PRKN: variants seen among roughly 807,000 people sequenced by gnomAD.
The protein encoded by PRKN is E3 ubiquitin-protein ligase parkin.
In PRKN, 56 loss-of-function variants were observed where a neutral mutation model predicts 59.5. The ratio of observed to expected loss-of-function variants is 0.94; its 90% CI spans 0.76 to 1.18. PRKN has a LOEUF of 1.18. PRKN is among the 50% of genes most tolerant of loss of function. The pLI, the probability that PRKN is intolerant of heterozygous loss-of-function variation, is 0.00. For synonymous variants in PRKN, 250 were observed against 222.1 expected, an observed-to-expected ratio of 1.13 and a Z score of -1.12; for missense variants, 657 against 596.4, an observed-to-expected ratio of 1.10 and a Z score of -1.06.
chr6:161,653,883 C>A (rs921782217), intron 7 of PRKN, among the ~76,000 whole-genome samples: 3 of 152,166 alleles, frequency 2.0e-5, no homozygotes, highest in Non-Finnish European at 4.4e-5. Context: ...GGCCGGCCAG[C>A]CTTCAGGGAA....
intron 9 of PRKN, among the ~76,000 whole-genome samples, chr6:161,469,103 A>G (rs1210904873): frequency 6.7e-6 from 1 of 148,490 alleles, no homozygotes; most frequent in Non-Finnish European, 1.5e-5. Flanking sequence ...GGTAGCATTC[A>G]TGGTTTGGTT....
At chr6:162,710,374 AACACACACACACACACACACAC>A (rs138911423) in intron 1 of PRKN, among the ~76,000 whole-genome samples, 2 of 125,240 alleles carry the variant, frequency 1.6e-5, no homozygotes. Context: ...ACCCCCTACA[AACACACACACACACACACACAC>A]ACACACACAC....
intron 3 of PRKN, among the ~76,000 whole-genome samples, chr6:162,203,648 AAT>A (rs1195001053): frequency 6.6e-6 from 1 of 152,152 alleles, no homozygotes; most frequent in African/African-American, 2.4e-5. Flanking sequence ...GAAACTCTTG[AAT>A]ATGGAGTCAT....
chr6:161,587,325 C>A (rs971963683), intron 7 of PRKN, among the ~76,000 whole-genome samples: 2 of 152,052 alleles, frequency 1.3e-5, no homozygotes, highest in African/African-American at 4.8e-5. Context: ...ATAAAGAAGA[C>A]GCAATGAAAA....
intron 1 of PRKN, among the ~76,000 whole-genome samples, chr6:162,630,451 C>T (rs895417123): frequency 2.6e-5 from 4 of 152,062 alleles, no homozygotes; most frequent in Admixed American, 6.6e-5. Flanking sequence ...AAGCAGCCAT[C>T]GACATTAACA....
intron 5 of PRKN, among the ~76,000 whole-genome samples, chr6:162,015,088 T>A (rs1040945992): frequency 2.6e-5 from 4 of 152,194 alleles, no homozygotes; most frequent in Non-Finnish European, 4.4e-5. Flanking sequence ...CAGCAACTTT[T>A]GCGATTGATC....
At chr6:162,184,570 C>A (rs995694817) in intron 4 of PRKN, among the ~76,000 whole-genome samples, 2 of 152,118 alleles carry the variant, frequency 1.3e-5, no homozygotes, top group African/African-American at 4.8e-5. Flanking sequence ...TGTAGAAGGA[C>A]ATGTTGCTTC....
rs900450161 is a variant in PRKN at position 161,793,581 on chromosome 6, C to T, written c.735-7673G>A. 2.6e-5 allele frequency among the ~76,000 whole-genome samples: 4 copies of T among 151,120 alleles called. No homozygotes were observed. In the Admixed American group the frequency reaches 2.7e-4, roughly 10 times the overall value. On this transcript the variant is annotated intron_variant, in intron 6 of 11. Transcript: ENST00000366898. ...TCCTATAAAAGTGAACAAGAATGTT[C>T]CATCTCCTCAGGAGGTCACAGTCTA...
rs1224848839 is a variant in PRKN, at chr6:161,393,643, C to T, written c.1084-6766G>A. Among the ~76,000 whole-genome samples the T allele has an allele frequency of 6.6e-6, 1 of 152,088 alleles. No individual in the cohort carries two copies. The highest frequency in any genetic ancestry group is 1.9e-4 in the East Asian group (1 of 5,186). On this transcript the variant is annotated intron_variant, in intron 9 of 11. Transcript: ENST00000366898. This position sits in a 1 kb window ranked among gnomAD's most constrained non-coding sequence, Gnocchi z 4.7. ...GCATGAAAAGGAAGCAAATGAACAG[C>T]TTCTAATGCAATCGGAATATTCCAG...
intron 2 of PRKN, among the ~76,000 whole-genome samples, chr6:162,291,600 G>C (rs962020024): frequency 1.3e-5 from 2 of 152,250 alleles, no homozygotes; most frequent in South Asian, 2.1e-4. Context: ...CGAAAGTCAG[G>C]TGAAGAAGGA....
At chr6:162,007,152 A>C (rs547059159) in intron 5 of PRKN, among the ~76,000 whole-genome samples, 5 of 152,284 alleles carry the variant, frequency 3.3e-5, no homozygotes, top group African/African-American at 1.2e-4. Context: ...GGTTGCTATT[A>C]GTCATTTTTC....
intron 1 of PRKN, among the ~76,000 whole-genome samples, chr6:162,638,530 A>G (rs1428517599): frequency 6.6e-6 from 1 of 152,082 alleles, no homozygotes; most frequent in African/African-American, 2.4e-5. Flanking sequence ...GTTTTTCCCA[A>G]GTCTAAAGCA....
At chr6:161,930,655 CA>C (rs1779138890) in intron 6 of PRKN, among the ~76,000 whole-genome samples, 1 of 152,166 alleles carries the variant, frequency 6.6e-6, no homozygotes, top group South Asian at 2.1e-4. Context: ...TGTCCAAATT[CA>C]AAAACCCTGC....
At chr6:161,644,773 C>G (rs1311237657) in intron 7 of PRKN, among the ~76,000 whole-genome samples, 15 of 152,364 alleles carry the variant, frequency 9.8e-5, no homozygotes, top group Admixed American at 8.5e-4. Flanking sequence ...GAAGGGAAGA[C>G]AGACAGCTTC....
chr6:162,201,394 A>C, intron 3 of PRKN, 142 bp from the exon 4 acceptor site: 1 of 750,468 alleles, frequency 1.3e-6, no homozygotes. Flanking sequence ...AAATATTCCA[A>C]TGGGAATACA....
chr6:162,147,468 T>C (rs997916784), intron 4 of PRKN, among the ~76,000 whole-genome samples: 5 of 151,876 alleles, frequency 3.3e-5, no homozygotes, highest in Non-Finnish European at 7.4e-5. Context: ...ACACAGGACA[T>C]TCTCATGACA....
intron 5 of PRKN, among the ~76,000 whole-genome samples, chr6:161,975,085 CTTTTTT>C (rs769121865): frequency 1.3e-4 from 16 of 124,462 alleles, no homozygotes; most frequent in African/African-American, 2.5e-4. Context: ...ACATATACTT[CTTTTTT>C]TTTTTTTTTT....
rs1197918693 is a variant in PRKN, at chr6:161,446,820, T to G, written c.1084-59943A>C. ...GAACAGACAGCTCTTTGGATTTCTTTAAATTGCCATTTAATTCCATCCATC... is the reference window on the plus strand; with the variant it reads ...GAACAGACAGCTCTTTGGATTTCTTGAAATTGCCATTTAATTCCATCCATC... On this transcript the variant is annotated intron_variant, in intron 9 of 11. Coordinates refer to ENST00000366898, the MANE Select transcript of PRKN (RefSeq NM_004562.3). The surrounding 1 kb of genome is among the most constrained non-coding windows in gnomAD (Gnocchi z 6.2). 6.6e-6 allele frequency among the ~76,000 whole-genome samples: 1 copy of G among 152,214 alleles called. No individual in the cohort carries two copies. Among genetic ancestry groups the G allele is most frequent in the African/African-American group, 2.4e-5 (1 of 41,460 alleles).
chr6:162,609,020 TGC>T (rs1481026560), intron 1 of PRKN, among the ~76,000 whole-genome samples: 2 of 152,178 alleles, frequency 1.3e-5, no homozygotes, highest in Non-Finnish European at 2.9e-5. Flanking sequence ...AGAGACAGTG[TGC>T]TGGCAGCAAG....
Sources: allele counts gnomAD v4.1 joint callset (sites outside exome capture counted in the v4.1 genomes callset), GRCh38; gene constraint gnomAD v4.1.1; non-coding constraint Gnocchi (gnomAD v3.1); transcripts MANE v1.5; gene names NCBI Gene and HGNC (gene_info 2026-07-23, HGNC 2026-07-21).